Variants in GGH observed in about 807,000 individuals in gnomAD.
GGH encodes gamma-Glu-X carboxypeptidase.
GGH carries 18 observed loss-of-function variants against 39.2 expected under a neutral mutation model. The observed-to-expected ratio is 0.46, with a 90% CI of 0.32 to 0.68. The LOEUF (loss-of-function observed/expected upper bound fraction) is 0.68. Ranked by LOEUF, GGH falls within the 30% of genes least tolerant of loss-of-function variation. The pLI, the probability that GGH is intolerant of heterozygous loss-of-function variation, is 0.04. For synonymous variants in GGH, 147 were observed against 138.8 expected (o/e 1.06, Z -0.42); for missense variants, 367 against 384.1 (o/e 0.96, Z 0.37).
chr8:63,034,010 TATATATATATATA>T (rs1034600741), intron 2 of GGH, among the ~76,000 whole-genome samples: 10 of 144,986 alleles, frequency 6.9e-5, no homozygotes, highest in African/African-American at 2.5e-4. Context: ...TGTCTCTCCT[TATATATATATATA>T]ATATATATAA....
At chr8:63,036,660 G>T (rs1804914619) in intron 1 of GGH, among the ~76,000 whole-genome samples, 2 of 152,180 alleles carry the variant, frequency 1.3e-5, no homozygotes. Context: ...TTTGAGCCAG[G>T]ACTTCAGAGA....
At chr8:63,022,804 A>C (rs1197151495) in intron 7 of GGH, among the ~76,000 whole-genome samples, 1 of 152,040 alleles carries the variant, frequency 6.6e-6, no homozygotes, top group Non-Finnish European at 1.5e-5. Flanking sequence ...GATTACAGGC[A>C]TGAGCCACCA....
In GGH at chr8:63,034,943, A is replaced by G. The variant is rs976536059; in HGVS notation, c.224+713T>C. ...GTTTTTGGTTACATGCATGAACTGT[A>G]TAGTGATGAAGTCTGAGATTTCAAT... On this transcript the variant is annotated intron_variant, in intron 2 of 8. Transcript: ENST00000260118. Among the ~76,000 whole-genome samples the G allele has an allele frequency of 2.6e-5, 4 of 152,090 alleles. No homozygotes were observed. The South Asian group carries it at 8.3e-4, about 32-fold the overall frequency.
At chr8:63,016,466 A>G (rs555491093) in intron 8 of GGH, among the ~76,000 whole-genome samples, 41 of 152,284 alleles carry the variant, frequency 2.7e-4, no homozygotes, top group South Asian at 1.7e-3. Context: ...TTGGAGATGG[A>G]ATGAAAGCAA....
rs762708836 is a variant in GGH at position 63,038,695 on chromosome 8, C to A, written c.74G>T (p.Arg25Ile). The A allele has an allele frequency of 1.3e-6, 2 of 1,580,140 alleles. No individual in the cohort carries two copies. Among genetic ancestry groups the A allele is most frequent in the Admixed American group, 1.7e-5 (1 of 57,660 alleles). The change falls in exon 1 of 9, where the codon AGA (arginine) becomes ATA (isoleucine). Residue 25 changes from arginine to isoleucine, a missense_variant. Arg to Ile is a moderately conservative substitution (Grantham distance 97). Transcript: ENST00000260118. Reference sequence around the variant, plus strand: ...CTTCTTGGCGGTGTCGCCGTGGGGTCTAGACAGCTCGAGGCTCGCCGCCCC... The same window carrying A: ...CTTCTTGGCGGTGTCGCCGTGGGGTATAGACAGCTCGAGGCTCGCCGCCCC... ...LCGAASLELS[R>I]PHGDTAKKPI...
chr8:63,017,833 C>A (rs769055782), intron 7 of GGH: 13 of 461,926 alleles, frequency 2.8e-5, no homozygotes, highest in Non-Finnish European at 4.9e-5. Flanking sequence ...TGATTAGCAA[C>A]CTTTTACAAT....
At chr8:63,032,947 AT>A (rs1010079954) in intron 2 of GGH, among the ~76,000 whole-genome samples, 1 of 152,162 alleles carries the variant, frequency 6.6e-6, no homozygotes, top group African/African-American at 2.4e-5. Context: ...TGTACTGGTG[AT>A]TTTTTTAAAC....
chr8:63,021,669 C>CT (rs752057959), intron 7 of GGH, among the ~76,000 whole-genome samples: 4,194 of 93,214 alleles, frequency 0.045, 333 homozygotes, highest in African/African-American at 0.12. Context: ...ATCTCATATC[C>CT]TTTTTTTTTT....
At chr8:63,031,120 A>G (rs1481244948) in intron 2 of GGH, among the ~76,000 whole-genome samples, 11 of 152,312 alleles carry the variant, frequency 7.2e-5, no homozygotes, top group African/African-American at 2.6e-4. Context: ...TTAGATGTCA[A>G]CTAGTCCATT....
chr8:63,025,654 C>T (rs1804670020), intron 5 of GGH, among the ~76,000 whole-genome samples: 1 of 152,154 alleles, frequency 6.6e-6, no homozygotes, highest in African/African-American at 2.4e-5. Context: ...TCCCTTGAAC[C>T]CTGGAGGTAG....
At chr8:63,017,865 G>GA (rs1804515785) in intron 7 of GGH, 1 of 389,684 alleles carries the variant, frequency 2.6e-6, no homozygotes, top group Non-Finnish European at 4.6e-6. Context: ...TTTGCTTTTC[G>GA]AGATACTCAT....
intron 8 of GGH, among the ~76,000 whole-genome samples, chr8:63,016,314 G>A (rs1804486628): frequency 6.6e-6 from 1 of 152,036 alleles, no homozygotes. Context: ...ACTGTATATG[G>A]GATACTTTTT....
chr8:63,038,245 T>G (rs1488347213), intron 1 of GGH, among the ~76,000 whole-genome samples: 1 of 152,252 alleles, frequency 6.6e-6, no homozygotes, highest in East Asian at 1.9e-4. Flanking sequence ...TACAATGCAC[T>G]GGTATTTTAA....
rs1039840031 is a variant in GGH, at chr8:63,024,265, G to A, written c.500-79C>T. 5.5e-5 allele frequency: 42 copies of A among 760,656 alleles called. No homozygotes were observed. In the Admixed American group the frequency reaches 9.7e-4, roughly 18 times the overall value. The allele number at this position is 760,656 out of a possible 1,614,324, so 47.1% of individuals were successfully genotyped here. ...ACTGAAGTCACTTACTGCACCCAAA[G>A]AGAAGCCATTATGAAGACATAATCA... On this transcript the variant is annotated intron_variant, in intron 5 of 8. Coordinates refer to ENST00000260118, the MANE Select transcript of GGH (RefSeq NM_003878.3).
intron 7 of GGH, among the ~76,000 whole-genome samples, chr8:63,019,503 C>A (rs1431121106): frequency 6.6e-6 from 1 of 152,146 alleles, no homozygotes; most frequent in Non-Finnish European, 1.5e-5. Flanking sequence ...CACGGTTTTA[C>A]CAGTATGAAC....
chr8:63,035,594 C>G, intron 2 of GGH, 62 bp downstream of exon 2: 1 of 1,551,036 alleles, frequency 6.4e-7, no homozygotes, highest in East Asian at 2.3e-5. Context: ...CATGAGGCAC[C>G]GCACCCGTAC....
At chr8:63,018,353 TTCC>T (rs1317761750) in intron 7 of GGH, among the ~76,000 whole-genome samples, 1 of 151,568 alleles carries the variant, frequency 6.6e-6, no homozygotes, top group African/African-American at 2.4e-5. Flanking sequence ...AGATGTGCCT[TTCC>T]TCATTTTGAT....
intron 2 of GGH, among the ~76,000 whole-genome samples, chr8:63,033,983 T>TTATATATATA (rs10671033): frequency 8.6e-4 from 123 of 143,230 alleles, no homozygotes; most frequent in East Asian, 1.4e-3. Flanking sequence ...TTGTCTCTCC[T>TTATATATATA]TATATATATA....
In GGH at chr8:63,024,087, G is replaced by C; in HGVS notation, c.599C>G (p.Ser200Cys). 6.3e-7 allele frequency: 1 copy of C among 1,591,270 alleles called. No individual in the cohort carries two copies. The highest frequency in any genetic ancestry group is 8.6e-7 in the Non-Finnish European group (1 of 1,159,672). The change falls in exon 6 of 9, where the codon TCC becomes TGC. Residue 200 changes from serine (S) to cysteine (C), a missense_variant. By Grantham distance (112) the Ser-to-Cys change is moderately radical. Coordinates refer to ENST00000260118, the MANE Select transcript of GGH (RefSeq NM_003878.3). ...GTGTAATTAGTGTGATACCTTCACG[G>C]AGAGGCTCCACTTATGGAAATTGGC... Reference protein sequence around the residue: ...LTANFHKWSLSVKNFTMNEKL... With the variant: ...LTANFHKWSLCVKNFTMNEKL...
Sources: allele counts gnomAD v4.1 joint callset (sites outside exome capture counted in the v4.1 genomes callset), GRCh38; gene constraint gnomAD v4.1.1; transcripts MANE v1.5; gene names NCBI Gene and HGNC (gene_info 2026-07-23, HGNC 2026-07-21).